The following RNF144B variants were observed in gnomAD, a reference collection of about 807,000 sequenced individuals.
RNF144B encodes the protein E3 ubiquitin-protein ligase RNF144B.
In RNF144B, 25 loss-of-function variants were observed where a neutral mutation model predicts 40.2. That is an observed-to-expected ratio of 0.62 (90% CI 0.45 to 0.87). The LOEUF is 0.87. RNF144B is among the 40% of genes least tolerant of loss of function. The pLI is 0.00. For missense variants in RNF144B, 365 were observed against 373.7 expected (o/e 0.98, Z 0.19); for synonymous variants, 145 against 136.3 (o/e 1.06, Z -0.44).
At chr6:18,417,190 C>T (rs796066584) in intron 2 of RNF144B, among the ~76,000 whole-genome samples, 2 of 152,214 alleles carry the variant, frequency 1.3e-5, no homozygotes, top group African/African-American at 4.8e-5. Context: ...ACAGATTCAA[C>T]ACACCTCTTG....
intron 3 of RNF144B, among the ~76,000 whole-genome samples, chr6:18,432,476 A>G (rs1758715525): frequency 6.6e-6 from 1 of 152,222 alleles, no homozygotes; most frequent in African/African-American, 2.4e-5. Flanking sequence ...TTTCCAATGT[A>G]CTTGATCTTG....
rs564372847 is a variant in RNF144B, at chr6:18,405,325, C to T, written c.165+5626C>T. 1.3e-5 allele frequency among the ~76,000 whole-genome samples: 2 copies of T among 152,072 alleles called. No homozygotes were observed. The highest frequency in any genetic ancestry group is 6.5e-5 in the Admixed American group (1 of 15,270). On this transcript the variant is annotated intron_variant, in intron 2 of 7. Coordinates refer to ENST00000259939, the MANE Select transcript of RNF144B (RefSeq NM_182757.4). This position sits in a 1 kb window ranked among gnomAD's most constrained non-coding sequence, Gnocchi z 4.5. ...AGTAGCTGGGATTACAGGCATGTGC[C>T]ACCAGGCCTGACTAATTTTTTTTGT...
Position 18,418,774 on chromosome 6 carries a change from T to C in RNF144B, c.166-8807T>C, listed in dbSNP as rs996876824. ...ATCTGAATTATATCTCAATAAAACA[T>C]GACATAATATAAAATATATAATATT... On this transcript the variant is annotated intron_variant, in intron 2 of 7. Transcript: ENST00000259939. This position sits in a 1 kb window ranked among gnomAD's most constrained non-coding sequence, Gnocchi z 5.2. 6.6e-6 allele frequency among the ~76,000 whole-genome samples: 1 copy of C among 151,682 alleles called. No homozygotes were observed. Among genetic ancestry groups the C allele is most frequent in the Non-Finnish European group, 1.5e-5 (1 of 67,936 alleles).
Position 18,405,667 on chromosome 6 carries a change from A to G in RNF144B, c.165+5968A>G, listed in dbSNP as rs1459123525. ...GGTTTACAATGCCGATTTTATTGGC[A>G]CTATATTTTTCCACTGACAACGGAG... On this transcript the variant is annotated intron_variant, in intron 2 of 7. Coordinates refer to ENST00000259939, the MANE Select transcript of RNF144B (RefSeq NM_182757.4). This position sits in a 1 kb window ranked among gnomAD's most constrained non-coding sequence, Gnocchi z 4.5. Among the ~76,000 whole-genome samples the G allele has an allele frequency of 6.6e-6, 1 of 152,190 alleles. No homozygotes were observed. The highest frequency in any genetic ancestry group is 1.9e-4 in the East Asian group (1 of 5,196).
Position 18,434,759 on chromosome 6 carries a change from C to A in RNF144B, c.271-4925C>A, listed in dbSNP as rs1758780199. 6.6e-6 allele frequency among the ~76,000 whole-genome samples: 1 copy of A among 152,038 alleles called. No homozygotes were observed. Among genetic ancestry groups the A allele is most frequent in the East Asian group, 1.9e-4 (1 of 5,176 alleles). ...GCCTCAGCCTCCTGAGTAGCTGGGA[C>A]TACAGGCGCCTGCTACCACGCCCAG... On this transcript the variant is annotated intron_variant, in intron 3 of 7. Coordinates refer to ENST00000259939, the MANE Select transcript of RNF144B (RefSeq NM_182757.4). This position sits in a 1 kb window ranked among gnomAD's most constrained non-coding sequence, Gnocchi z 4.1.
In RNF144B at chr6:18,410,156, A is replaced by G. The variant is rs1795005983; in HGVS notation, c.165+10457A>G. ...GGCAAAAGTTGGTTTCTGATGAGAG[A>G]ACTTTTCCATTGTTGCCACTAAGTC... On this transcript the variant is annotated intron_variant, in intron 2 of 7. Transcript: ENST00000259939. This position sits in a 1 kb window ranked among gnomAD's most constrained non-coding sequence, Gnocchi z 4.6. Among the ~76,000 whole-genome samples, 1 of 152,192 alleles carries G rather than the reference A, an allele frequency of 6.6e-6. No individual in the cohort carries two copies. The highest frequency in any genetic ancestry group is 2.4e-5 in the African/African-American group (1 of 41,460).
intron 2 of RNF144B, among the ~76,000 whole-genome samples, chr6:18,421,899 G>A (rs577356379): frequency 6.6e-6 from 1 of 152,198 alleles, no homozygotes; most frequent in East Asian, 1.9e-4. Flanking sequence ...CTTTTAAACT[G>A]TGCTTATTTA....
chr6:18,463,783 AAG>A (rs1759519551), intron 7 of RNF144B, among the ~76,000 whole-genome samples: 1 of 152,184 alleles, frequency 6.6e-6, no homozygotes, highest in Admixed American at 6.5e-5. Flanking sequence ...TTATTAAGGA[AAG>A]GGGTTTAATG....
At chr6:18,397,297 A>G (rs147348187) in intron 1 of RNF144B, among the ~76,000 whole-genome samples, 9 of 152,342 alleles carry the variant, frequency 5.9e-5, no homozygotes, top group Admixed American at 1.3e-4. Context: ...TGTTGGGAGT[A>G]GGTAGCAAAT....
intron 2 of RNF144B, among the ~76,000 whole-genome samples, chr6:18,421,507 A>T (rs1490205331): frequency 6.6e-6 from 1 of 152,022 alleles, no homozygotes; most frequent in East Asian, 1.9e-4. Flanking sequence ...CGTGTTCAGC[A>T]TTCACTGGGC....
chr6:18,451,801 A>G (rs1759214526), intron 4 of RNF144B, among the ~76,000 whole-genome samples: 1 of 152,196 alleles, frequency 6.6e-6, no homozygotes, highest in South Asian at 2.1e-4. Flanking sequence ...TGTATAGAGA[A>G]TAGAATTCTA....
chr6:18,430,847 C>G (rs1366502900), intron 3 of RNF144B, among the ~76,000 whole-genome samples: 4 of 152,094 alleles, frequency 2.6e-5, no homozygotes, highest in Non-Finnish European at 5.9e-5. Flanking sequence ...TTTCCCCACT[C>G]TATCCCTTCT....
At position 18,402,849 on chromosome 6, in the gene RNF144B, CTGTT is replaced by C. The variant is rs1404876954; in HGVS notation, c.165+3153_165+3156del. ...AGCTGTGAAGATGGTTTCTGCTAGA[CTGTT>C]TGCTCAGTTTTAATATGCAGAATAA... On this transcript the variant is annotated intron_variant, in intron 2 of 7. Coordinates refer to ENST00000259939, the MANE Select transcript of RNF144B (RefSeq NM_182757.4). 3.3e-5 allele frequency among the ~76,000 whole-genome samples: 5 copies of C among 152,318 alleles called. No homozygotes were observed. The South Asian group carries it at 8.3e-4, about 25-fold the overall frequency.
At position 18,400,633 on chromosome 6, in the gene RNF144B, T is replaced by C. The variant is rs1794786121; in HGVS notation, c.165+934T>C. On this transcript the variant is annotated intron_variant, in intron 2 of 7. Transcript: ENST00000259939. This position sits in a 1 kb window ranked among gnomAD's most constrained non-coding sequence, Gnocchi z 5.6. ...TATAAAGGTAGGAAATAGATTGAGTTCCTGTAGGCTTCAGTGATGACACAG... is the reference window on the plus strand; with the variant it reads ...TATAAAGGTAGGAAATAGATTGAGTCCCTGTAGGCTTCAGTGATGACACAG... 6.6e-6 allele frequency among the ~76,000 whole-genome samples: 1 copy of C among 152,184 alleles called. No homozygotes were observed. The highest frequency in any genetic ancestry group is 2.4e-5 in the African/African-American group (1 of 41,444).
In RNF144B at chr6:18,398,069, A is replaced by G. The variant is rs186611198; in HGVS notation, c.-36-1430A>G. 1.3e-3 allele frequency among the ~76,000 whole-genome samples: 196 copies of G among 152,022 alleles called. No homozygotes were observed. The highest frequency in any genetic ancestry group is 4.6e-3 in the African/African-American group (191 of 41,452). The stretch of plus-strand genomic sequence containing the variant: ...GGCTGCAGTGAGCTATGATTGTGCC[A>G]CCACACTCGAGCCTGGGCAACAGAG... On this transcript the variant is annotated intron_variant, in intron 1 of 7. Transcript: ENST00000259939. This position sits in a 1 kb window ranked among gnomAD's most constrained non-coding sequence, Gnocchi z 5.0.
At position 18,444,821 on chromosome 6, in the gene RNF144B, A is replaced by C. The variant is rs1158212607; in HGVS notation, c.331+5077A>C. ...CAATGCTTCTTCAAGCTGTGGTTCCATCTTTCTTTGAAAGCCCTTTTGTTC... is the reference window on the plus strand; with the variant it reads ...CAATGCTTCTTCAAGCTGTGGTTCCCTCTTTCTTTGAAAGCCCTTTTGTTC... On this transcript the variant is annotated intron_variant, in intron 4 of 7. Coordinates refer to ENST00000259939, the MANE Select transcript of RNF144B (RefSeq NM_182757.4). The surrounding 1 kb of genome is among the most constrained non-coding windows in gnomAD (Gnocchi z 4.3). 6.6e-6 allele frequency among the ~76,000 whole-genome samples: 1 copy of C among 152,174 alleles called. No homozygotes were observed. The highest frequency in any genetic ancestry group is 6.5e-5 in the Admixed American group (1 of 15,268).
Position 18,387,613 on chromosome 6 carries a change from A to G in RNF144B, c.-54A>G. 1 of 1,312,406 alleles carries G rather than the reference A, an allele frequency of 7.6e-7. No homozygotes were observed. The highest frequency in any genetic ancestry group is 1.0e-6 in the Non-Finnish European group (1 of 1,001,394). 81.3% of individuals were successfully genotyped at this position (1,312,406 alleles called of 1,614,324 possible). On this transcript the variant is annotated 5_prime_UTR_variant, in exon 1 of 8. Transcript: ENST00000259939. Reference sequence around the variant, plus strand: ...TACTGAGAAGCCCGGCGACGGAGGAACGCAGGTCTGCTGCCAGGTAGGTTT... The same window carrying G: ...TACTGAGAAGCCCGGCGACGGAGGAGCGCAGGTCTGCTGCCAGGTAGGTTT...
chr6:18,455,383 G>C (rs494248), intron 4 of RNF144B, among the ~76,000 whole-genome samples: 28,022 of 152,146 alleles, frequency 0.18, 2,842 homozygotes, highest in East Asian at 0.25. Flanking sequence ...TTCATTTCTA[G>C]GCGAGACATT....
chr6:18,449,516 C>G (rs1301879725), intron 4 of RNF144B, among the ~76,000 whole-genome samples: 1 of 151,936 alleles, frequency 6.6e-6, no homozygotes, highest in Non-Finnish European at 1.5e-5. Context: ...GAATTAAAAT[C>G]CCTTTATCTA....
Sources: allele counts gnomAD v4.1 joint callset (sites outside exome capture counted in the v4.1 genomes callset), GRCh38; gene constraint gnomAD v4.1.1; non-coding constraint Gnocchi (gnomAD v3.1); transcripts MANE v1.5; gene names NCBI Gene and HGNC (gene_info 2026-07-23, HGNC 2026-07-21).